Variants in VIPR2 observed in about 807,000 individuals in gnomAD.
VIPR2 encodes the protein vasoactive intestinal polypeptide receptor 2.
A neutral mutation model predicts 58.0 loss-of-function variants in VIPR2; 48 were observed. The observed-to-expected ratio is 0.83, with a 90% CI of 0.66 to 1.05. The LOEUF (loss-of-function observed/expected upper bound fraction) is 1.05, where lower values mean the gene tolerates loss of function less well. Ranked by LOEUF, VIPR2 falls within the 50% of genes least tolerant of loss-of-function variation. The pLI, the probability that VIPR2 is intolerant of heterozygous loss-of-function variation, is 0.00. For synonymous variants in VIPR2, 243 were observed against 235.2 expected (o/e 1.03, Z -0.30); for missense variants, 534 against 558.0 (o/e 0.96, Z 0.43).
chr7:159,049,160 T>C (rs1339518710), intron 5 of VIPR2, among the ~76,000 whole-genome samples: 1 of 152,226 alleles, frequency 6.6e-6, no homozygotes, highest in Admixed American at 6.5e-5. Context: ...TCTTGGGGCT[T>C]AACTTTATGT....
chr7:159,114,165 G>C (rs566329371), intron 2 of VIPR2, among the ~76,000 whole-genome samples: 1 of 152,254 alleles, frequency 6.6e-6, no homozygotes, highest in South Asian at 2.1e-4. Flanking sequence ...GTTCAGTGTT[G>C]GACATAAGTG....
At chr7:159,048,974 T>G (rs1482074300) in intron 5 of VIPR2, among the ~76,000 whole-genome samples, 1 of 152,200 alleles carries the variant, frequency 6.6e-6, no homozygotes, top group African/African-American at 2.4e-5. Flanking sequence ...ATTCTTAGCC[T>G]TCAGTTTCTT....
chr7:159,132,963 ATGATT>A lies in VIPR2; in HGVS notation c.151+9478_151+9482del, dbSNP rs1297554686. ...GGCATACAGATTGATTTCAGACAGAATGATTGGCATACCGATTGATTTTAGACAGA... is the reference window on the plus strand; with the variant it reads ...GGCATACAGATTGATTTCAGACAGAAGGCATACCGATTGATTTTAGACAGA... On this transcript the variant is annotated intron_variant, in intron 2 of 12. Coordinates refer to ENST00000262178, the MANE Select transcript of VIPR2 (RefSeq NM_003382.5). Among the ~76,000 whole-genome samples the A allele has an allele frequency of 3.6e-3, 536 of 148,640 alleles. 9 individuals are homozygous for A. The highest frequency in any genetic ancestry group is 0.012 in the African/African-American group (489 of 40,796).
intron 2 of VIPR2, among the ~76,000 whole-genome samples, chr7:159,124,381 G>C (rs940282145): frequency 6.6e-6 from 1 of 152,204 alleles, no homozygotes; most frequent in South Asian, 2.1e-4. Context: ...AGTTATCCCA[G>C]CACCATTTAA....
chr7:159,085,388 C>T (rs1196527065), intron 4 of VIPR2, among the ~76,000 whole-genome samples: 11 of 152,156 alleles, frequency 7.2e-5, no homozygotes, highest in Non-Finnish European at 1.6e-4. Flanking sequence ...CTCTGCCTCC[C>T]GGGTTCAAGT....
At chr7:159,040,118 AC>A (rs1854232135) in intron 6 of VIPR2, among the ~76,000 whole-genome samples, 1 of 152,222 alleles carries the variant, frequency 6.6e-6, no homozygotes, top group South Asian at 2.1e-4. Context: ...AAACAAGCAC[AC>A]TGAGGAAGGG....
At chr7:159,110,984 T>C (rs937867940) in intron 2 of VIPR2, among the ~76,000 whole-genome samples, 27 of 152,378 alleles carry the variant, frequency 1.8e-4, no homozygotes, top group African/African-American at 6.3e-4. Flanking sequence ...AAATTCATAT[T>C]ACATTAATGT....
intron 6 of VIPR2, among the ~76,000 whole-genome samples, chr7:159,037,782 GCTA>G (rs1442985650): frequency 6.6e-6 from 1 of 152,096 alleles, no homozygotes; most frequent in African/African-American, 2.4e-5. Flanking sequence ...CCATGAAACT[GCTA>G]CTTTTAATCA....
At chr7:159,059,275 C>G (rs995846527) in intron 4 of VIPR2, 7 of 471,070 alleles carry the variant, frequency 1.5e-5, no homozygotes, top group Non-Finnish European at 3.1e-5. Context: ...CGATAAAAAC[C>G]AGCAACACCT....
chr7:159,042,544 G>A (rs1019557022), intron 6 of VIPR2, among the ~76,000 whole-genome samples: 4 of 152,208 alleles, frequency 2.6e-5, no homozygotes, highest in African/African-American at 7.2e-5. Context: ...AGAGTTGGAC[G>A]CAGATATTCA....
At chr7:159,055,546 C>G (rs763167580) in intron 5 of VIPR2, among the ~76,000 whole-genome samples, 1 of 152,166 alleles carries the variant, frequency 6.6e-6, no homozygotes, top group Non-Finnish European at 1.5e-5. Context: ...CAGGCTCACA[C>G]ACCAGTGCCG....
intron 2 of VIPR2, among the ~76,000 whole-genome samples, chr7:159,129,206 C>T (rs1796781326): frequency 2.1e-5 from 3 of 140,116 alleles, no homozygotes; most frequent in African/African-American, 8.1e-5. Flanking sequence ...TCAAACTGGA[C>T]TCTGGTGGGG....
intron 2 of VIPR2, among the ~76,000 whole-genome samples, chr7:159,112,366 C>G (rs950168063): frequency 6.6e-6 from 1 of 152,228 alleles, no homozygotes; most frequent in South Asian, 2.1e-4. Flanking sequence ...AAGGCGCAGC[C>G]GGAAGCGCTG....
rs1414852605 is a variant in VIPR2 at position 159,031,329 on chromosome 7, T to A, written c.1143+499A>T. On this transcript the variant is annotated intron_variant, in intron 12 of 12. Coordinates refer to ENST00000262178, the MANE Select transcript of VIPR2 (RefSeq NM_003382.5). The surrounding 1 kb of genome is among the most constrained non-coding windows in gnomAD (Gnocchi z 4.0). The stretch of plus-strand genomic sequence containing the variant: ...GCAACCGCAGCGTGGGGCGGGAGGG[T>A]CAGGGGTCAGGGGACGGGGCCAGGC... 8.1e-5 allele frequency among the ~76,000 whole-genome samples: 12 copies of A among 149,012 alleles called. No individual in the cohort carries two copies. In the East Asian group the frequency reaches 2.5e-3, roughly 31 times the overall value.
In VIPR2 at chr7:159,034,286, T is replaced by C; in HGVS notation, c.898A>G (p.Ile300Val). The change falls in exon 10 of 13, where the codon ATT becomes GTT. Residue 300 changes from isoleucine (I) to valine (V), a missense_variant. Physicochemically the swap from Ile to Val is conservative, Grantham distance 29. Coordinates refer to ENST00000262178, the MANE Select transcript of VIPR2 (RefSeq NM_003382.5). ...ISIIVNFVLF[I>V]SIIRILLQKL... ...TGCAGCAAAATTCGTATAATACTAA[T>C]GAAAAGGACAAAATTGACCTGCACA... 1.2e-6 allele frequency: 2 copies of C among 1,613,966 alleles called. No homozygotes were observed. The highest frequency in any genetic ancestry group is 1.7e-6 in the Non-Finnish European group (2 of 1,179,942).
intron 2 of VIPR2, among the ~76,000 whole-genome samples, chr7:159,110,221 G>T (rs923755878): frequency 6.6e-6 from 1 of 152,230 alleles, no homozygotes; most frequent in Non-Finnish European, 1.5e-5. Context: ...GGGCACCACT[G>T]GGTATTAGTG....
At chr7:159,054,185 C>T (rs1293955390) in intron 5 of VIPR2, among the ~76,000 whole-genome samples, 1 of 152,178 alleles carries the variant, frequency 6.6e-6, no homozygotes, top group Non-Finnish European at 1.5e-5. Flanking sequence ...AAACTTTACC[C>T]TGCTTCACAC....
chr7:159,109,846 G>A lies in VIPR2; in HGVS notation c.225C>T (p.Cys75=). 3 of 1,614,160 alleles carry A rather than the reference G, an allele frequency of 1.9e-6. No individual in the cohort carries two copies. Among genetic ancestry groups the A allele is most frequent in the Non-Finnish European group, 2.5e-6 (3 of 1,180,048 alleles). The change falls in exon 3 of 13, where the codon TGC becomes TGT. Residue 75 remains cysteine, a synonymous_variant. Transcript: ENST00000262178. ...ANVGETVTVP[C]PKVFSNFYSK... is the part of the protein sequence containing the mutation. ...TGTAAAAATTGCTGAAGACTTTTGG[G>A]CAGGGCACCGTGACGGTCTCTCCCA...
chr7:159,031,803 G>A lies in VIPR2; in HGVS notation c.1143+25C>T. ...AGGAAGCAAGTGAGTACCTGTGCTT[G>A]GTTCCAAGGCGGCCATGAACTTACC... On this transcript the variant is annotated intron_variant, in intron 12 of 12. Coordinates refer to ENST00000262178, the MANE Select transcript of VIPR2 (RefSeq NM_003382.5). The surrounding 1 kb of genome is among the most constrained non-coding windows in gnomAD (Gnocchi z 4.0). 1 of 1,613,916 alleles carries A rather than the reference G, an allele frequency of 6.2e-7. No individual in the cohort carries two copies. Among genetic ancestry groups the A allele is most frequent in the South Asian group, 1.1e-5 (1 of 91,084 alleles).
Sources: allele counts gnomAD v4.1 joint callset (sites outside exome capture counted in the v4.1 genomes callset), GRCh38; gene constraint gnomAD v4.1.1; non-coding constraint Gnocchi (gnomAD v3.1); transcripts MANE v1.5; gene names NCBI Gene and HGNC (gene_info 2026-07-23, HGNC 2026-07-21).